The following NRG3 variants were observed in gnomAD, a reference collection of about 807,000 sequenced individuals.
NRG3 encodes the protein pro-neuregulin-3, membrane-bound isoform.
Under a neutral mutation model 66.9 loss-of-function variants are expected in NRG3, and 31 were observed. That is an observed-to-expected ratio of 0.46 (90% confidence interval 0.35 to 0.63). The LOEUF (loss-of-function observed/expected upper bound fraction) is 0.63, where lower values mean the gene tolerates loss of function less well. Among genes scored for constraint, NRG3 ranks in the 20% least tolerant of loss-of-function variants. The pLI is 0.00. For missense variants in NRG3, 910 were observed against 878.9 expected (o/e 1.04, Z -0.45); for synonymous variants, 393 against 359.4 (o/e 1.09, Z -1.06).
At position 82,145,733 on chromosome 10, in the gene NRG3, C is replaced by T. The variant is rs139077998; in HGVS notation, c.824-213006C>T. On this transcript the variant is annotated intron_variant, in intron 1 of 8. Transcript: ENST00000372141. ...AATTTGGCATGTTCAGTACTGTTCA[C>T]GTTGGATAGTAAGTATTGTGTGGTT... 1.2e-3 allele frequency among the ~76,000 whole-genome samples: 186 copies of T among 152,218 alleles called. 1 individual carries two copies. Among genetic ancestry groups the T allele is most frequent in the Non-Finnish European group, 2.0e-3 (139 of 68,008 alleles).
chr10:82,946,457 T>G (rs758579160), intron 4 of NRG3, among the ~76,000 whole-genome samples: 36 of 152,018 alleles, frequency 2.4e-4, no homozygotes, highest in Middle Eastern at 3.4e-3. Context: ...GAAAATCGCT[T>G]GAACCCAAGA....
At chr10:82,140,495 TATTTA>T (rs774102466) in intron 1 of NRG3, among the ~76,000 whole-genome samples, 22 of 152,342 alleles carry the variant, frequency 1.4e-4, no homozygotes, top group Non-Finnish European at 3.1e-4. Context: ...AATGGCATTT[TATTTA>T]ATTCATTTAT....
At chr10:82,193,691 G>A (rs759575268) in intron 1 of NRG3, among the ~76,000 whole-genome samples, 7 of 152,140 alleles carry the variant, frequency 4.6e-5, no homozygotes, top group African/African-American at 1.2e-4. Flanking sequence ...ATGAAATTCC[G>A]AATGGTGCTA....
chr10:82,408,089 A>AGAGAGAG (rs1564888139), intron 2 of NRG3, among the ~76,000 whole-genome samples: 5 of 54,856 alleles, frequency 9.1e-5, no homozygotes, highest in African/African-American at 3.7e-4. Flanking sequence ...GAGAGACAGA[A>AGAGAGAG]AGAAAGAAAG....
chr10:82,200,705 G>A (rs916768202), intron 1 of NRG3, among the ~76,000 whole-genome samples: 49 of 152,252 alleles, frequency 3.2e-4, no homozygotes, highest in African/African-American at 1.1e-3. Context: ...AAAGAATCAG[G>A]CCTGTTACTC....
chr10:82,491,822 C>A (rs949589858), intron 2 of NRG3, among the ~76,000 whole-genome samples: 1 of 152,180 alleles, frequency 6.6e-6, no homozygotes, highest in Admixed American at 6.5e-5. Context: ...CAAATGTCTG[C>A]AAACTCATGA....
chr10:82,953,598 C>T (rs183696361), intron 5 of NRG3, among the ~76,000 whole-genome samples: 1 of 151,924 alleles, frequency 6.6e-6, no homozygotes. Context: ...CAAATTATAT[C>T]GTGTCTCTTA....
rs187402830 is a variant in NRG3 at position 82,179,565 on chromosome 10, G to T, written c.824-179174G>T. 1.1e-4 allele frequency among the ~76,000 whole-genome samples: 16 copies of T among 151,932 alleles called. No homozygotes were observed. The East Asian group carries it at 2.9e-3, about 28-fold the overall frequency. Reference sequence around the variant, plus strand: ...ATGATTATTTGACGATAAATGCATTGGTTTATTTCTGGGCTGTGTTCTCTG... The same window carrying T: ...ATGATTATTTGACGATAAATGCATTTGTTTATTTCTGGGCTGTGTTCTCTG... On this transcript the variant is annotated intron_variant, in intron 1 of 8. Coordinates refer to ENST00000372141, the MANE Select transcript of NRG3 (RefSeq NM_001010848.4).
chr10:82,626,766 C>A (rs574827914), intron 2 of NRG3, among the ~76,000 whole-genome samples: 2 of 152,072 alleles, frequency 1.3e-5, no homozygotes, highest in Non-Finnish European at 2.9e-5. Context: ...TAATTCCTGA[C>A]TCATGACAGT....
chr10:82,110,526 C>T lies in NRG3; in HGVS notation c.823+234363C>T, dbSNP rs12249977. ...ACAACGGAAACACAGAGACGAGAGA[C>T]GAGGCTATTCCATGAAATGATGGCT... On this transcript the variant is annotated intron_variant, in intron 1 of 8. Transcript: ENST00000372141. 3.3e-3 allele frequency among the ~76,000 whole-genome samples: 504 copies of T among 151,862 alleles called. 2 individuals are homozygous for T. Among genetic ancestry groups the T allele is most frequent in the Non-Finnish European group, 5.5e-3 (375 of 67,952 alleles).
chr10:82,200,135 A>G (rs1201935658), intron 1 of NRG3, among the ~76,000 whole-genome samples: 2 of 152,204 alleles, frequency 1.3e-5, no homozygotes, highest in Non-Finnish European at 2.9e-5. Context: ...GAAATACAAC[A>G]GTGAACAAAA....
At chr10:82,511,093 G>C (rs1210961660) in intron 2 of NRG3, among the ~76,000 whole-genome samples, 4 of 152,148 alleles carry the variant, frequency 2.6e-5, no homozygotes, top group Non-Finnish European at 5.9e-5. Context: ...AAAAGGTAAG[G>C]CTGGATGTTT....
intron 2 of NRG3, among the ~76,000 whole-genome samples, chr10:82,507,136 T>C (rs1363806642): frequency 6.6e-6 from 1 of 152,216 alleles, no homozygotes; most frequent in Non-Finnish European, 1.5e-5. Flanking sequence ...TGTATAATGA[T>C]TTCAAGCCAT....
At chr10:82,535,337 C>A (rs1590546135) in intron 2 of NRG3, among the ~76,000 whole-genome samples, 1 of 151,770 alleles carries the variant, frequency 6.6e-6, no homozygotes, top group Admixed American at 6.6e-5. Flanking sequence ...GTAGATATTA[C>A]ACAGGTAATA....
At chr10:82,474,811 A>G (rs894367979) in intron 2 of NRG3, among the ~76,000 whole-genome samples, 3 of 152,148 alleles carry the variant, frequency 2.0e-5, no homozygotes, top group Non-Finnish European at 2.9e-5. Context: ...GAGTGTACCT[A>G]TATTAAGACA....
intron 7 of NRG3, 64 bp from the exon 8 acceptor site, chr10:82,978,886 T>G: frequency 1.3e-6 from 2 of 1,533,472 alleles, no homozygotes; most frequent in South Asian, 1.2e-5. Flanking sequence ...AGCAGCCACC[T>G]GTGAGGTTAT....
Position 82,959,953 on chromosome 10 carries a change from G to A in NRG3, c.1284+878G>A, listed in dbSNP as rs76116579. On this transcript the variant is annotated intron_variant, in intron 6 of 8. Coordinates refer to ENST00000372141, the MANE Select transcript of NRG3 (RefSeq NM_001010848.4). ...AATTCTTTGACCCCACACAGCATCCGCACTTTCAGAATCTGAGGCATAAAA... is the reference window on the plus strand; with the variant it reads ...AATTCTTTGACCCCACACAGCATCCACACTTTCAGAATCTGAGGCATAAAA... Among the ~76,000 whole-genome samples the A allele has an allele frequency of 2.7e-3, 417 of 152,212 alleles. 10 individuals are homozygous for A. The East Asian group carries it at 0.067, about 24-fold the overall frequency.
In NRG3 at chr10:81,875,832, G is replaced by T. The variant is rs777052317; in HGVS notation, c.492G>T (p.Ala164=). The T allele has an allele frequency of 2.5e-6, 4 of 1,608,844 alleles. No individual in the cohort carries two copies. The highest frequency in any genetic ancestry group is 3.4e-6 in the Non-Finnish European group (4 of 1,179,654). Residue 164 remains alanine (A), a synonymous_variant, in exon 1 of 9, where the codon GCG becomes GCT. Coordinates refer to ENST00000372141, the MANE Select transcript of NRG3 (RefSeq NM_001010848.4). This position sits in a 1 kb window ranked among gnomAD's most constrained non-coding sequence, Gnocchi z 5.3. ...CTCGCCTGACCACCATCACGCGGGC[G>T]CCCACTCGCTTCCCCGGGCACCGGG... ...ISTRLTTITR[A]PTRFPGHRVP...
At chr10:82,503,911 G>A (rs1006391670) in intron 2 of NRG3, among the ~76,000 whole-genome samples, 1 of 152,166 alleles carries the variant, frequency 6.6e-6, no homozygotes, top group African/African-American at 2.4e-5. Flanking sequence ...GTACTTTAAA[G>A]GAGGCAGACG....
Sources: allele counts gnomAD v4.1 joint callset (sites outside exome capture counted in the v4.1 genomes callset), GRCh38; gene constraint gnomAD v4.1.1; non-coding constraint Gnocchi (gnomAD v3.1); transcripts MANE v1.5; gene names NCBI Gene and HGNC (gene_info 2026-07-23, HGNC 2026-07-21).